Variants in XIRP2 observed in about 807,000 individuals in gnomAD.
XIRP2 encodes xin actin binding repeat containing 2, also known as xin actin-binding repeat-containing protein 2.
Under a neutral mutation model 277.0 loss-of-function variants are expected in XIRP2, and 236 were observed. That is an observed-to-expected ratio of 0.85 (90% CI 0.77 to 0.95). The LOEUF is 0.95. Among genes scored for constraint, XIRP2 ranks in the 40% least tolerant of loss-of-function variants. The probability of loss-of-function intolerance (pLI) is 0.00; values close to 1 mark genes in which losing one functional copy is unlikely to be tolerated. For missense variants in XIRP2, 4,640 were observed against 4,157.5 expected, an observed-to-expected ratio of 1.12 and a Z score of -3.19; for synonymous variants, 1,490 against 1,416.5, an observed-to-expected ratio of 1.05 and a Z score of -1.17.
At chr2:166,893,499 A>G (rs1684161980) in intron 1 of XIRP2, among the ~76,000 whole-genome samples, 1 of 152,102 alleles carries the variant, frequency 6.6e-6, no homozygotes, top group Admixed American at 6.6e-5. Context: ...CATTGTCTTT[A>G]TATTTACCAT....
At position 167,244,462 on chromosome 2, in the gene XIRP2, A is replaced by T. The variant is rs1695181543; in HGVS notation, c.3070A>T (p.Arg1024Trp). The T allele has an allele frequency of 6.2e-7, 1 of 1,613,686 alleles. No homozygotes were observed. The highest frequency in any genetic ancestry group is 1.3e-5 in the African/African-American group (1 of 74,904). Residue 1024 changes from arginine to tryptophan, a missense_variant, in exon 9 of 11, where the codon AGG becomes TGG. By Grantham distance (101) the Arg-to-Trp change is moderately radical. Coordinates refer to ENST00000409195, the MANE Select transcript of XIRP2 (RefSeq NM_152381.6). The part of the protein sequence containing the change: ...VRSCRWLFET[R>W]PIDQFDESIH... ...AAGCTGTAGGTGGCTTTTTGAAACAAGGCCCATTGACCAGTTTGATGAAAG... is the reference window on the plus strand; with the variant it reads ...AAGCTGTAGGTGGCTTTTTGAAACATGGCCCATTGACCAGTTTGATGAAAG...
intron 2 of XIRP2, among the ~76,000 whole-genome samples, chr2:167,067,283 G>A (rs1689324242): frequency 7.6e-6 from 1 of 132,074 alleles, no homozygotes; most frequent in Admixed American, 7.0e-5. Context: ...ATGTCTTCAA[G>A]TTCACTAATA....
intron 2 of XIRP2, among the ~76,000 whole-genome samples, chr2:167,019,760 C>CA (rs1456209901): frequency 6.6e-6 from 1 of 151,860 alleles, no homozygotes; most frequent in African/African-American, 2.4e-5. Flanking sequence ...AGACATTTAG[C>CA]AAAAATATCA....
intron 3 of XIRP2, among the ~76,000 whole-genome samples, chr2:167,177,346 A>G (rs992671809): frequency 3.3e-5 from 5 of 152,186 alleles, no homozygotes; most frequent in African/African-American, 1.2e-4. Context: ...ATTTATATGT[A>G]TGAATGTAGA....
At chr2:167,051,979 TTTTCA>T (rs1688925098) in intron 2 of XIRP2, among the ~76,000 whole-genome samples, 2 of 152,108 alleles carry the variant, frequency 1.3e-5, no homozygotes, top group African/African-American at 4.8e-5. Flanking sequence ...ATTAACTTTC[TTTTCA>T]TTTCAAGTGT....
chr2:167,203,900 A>G (rs984954752), intron 3 of XIRP2, among the ~76,000 whole-genome samples: 1 of 152,162 alleles, frequency 6.6e-6, no homozygotes, highest in Non-Finnish European at 1.5e-5. Flanking sequence ...TGGATTATAG[A>G]TCATGTATTT....
At chr2:166,995,330 G>C (rs141164657) in intron 2 of XIRP2, among the ~76,000 whole-genome samples, 18 of 152,148 alleles carry the variant, frequency 1.2e-4, no homozygotes, top group African/African-American at 1.7e-4. Context: ...AGGCAAAAAC[G>C]TTAGTGACCT....
Position 166,896,346 on chromosome 2 carries a change from G to A in XIRP2, c.-18-7119G>A, listed in dbSNP as rs75684285. 1.5e-3 allele frequency among the ~76,000 whole-genome samples: 232 copies of A among 152,192 alleles called. 8 individuals are homozygous for A. In the East Asian group the frequency reaches 0.039, roughly 26 times the overall value. On this transcript the variant is annotated intron_variant, in intron 1 of 10. Coordinates refer to ENST00000409195, the MANE Select transcript of XIRP2 (RefSeq NM_152381.6). ...TATTATCAGTGGAGATGACCGCTCC[G>A]TTTCATGTTCATGCCCCTGAAAACC...
At chr2:166,924,958 T>C (rs1397701) in intron 2 of XIRP2, among the ~76,000 whole-genome samples, 11,528 of 152,142 alleles carry the variant, frequency 0.076, 1,015 homozygotes, top group East Asian at 0.49. Flanking sequence ...AATGAATCCT[T>C]TTTATTATTA....
intron 2 of XIRP2, among the ~76,000 whole-genome samples, chr2:167,088,013 A>G (rs1690016514): frequency 6.6e-6 from 1 of 152,294 alleles, no homozygotes; most frequent in East Asian, 1.9e-4. Context: ...AAAGATGATA[A>G]GTTTGTAAGC....
intron 2 of XIRP2, among the ~76,000 whole-genome samples, chr2:167,015,197 T>G (rs1687787220): frequency 6.6e-6 from 1 of 151,906 alleles, no homozygotes. Flanking sequence ...CTTTTTCTTA[T>G]AATTGATACT....
At position 167,250,243 on chromosome 2, in the gene XIRP2, C is replaced by G; in HGVS notation, c.8851C>G (p.Arg2951Gly). The change falls in exon 9 of 11, where the codon CGT becomes GGT. Residue 2951 changes from arginine to glycine, a missense_variant. Arg to Gly is a moderately radical substitution (Grantham distance 125). Transcript: ENST00000409195. ...AAATATAGTGGAATTCTTGAGAAAA[C>G]GTGAAGAACTGCAACAGATTTTGTC... The part of the protein sequence containing the change: ...ALNIVEFLRK[R>G]EELQQILSRV... 1 of 1,613,146 alleles carries G rather than the reference C, an allele frequency of 6.2e-7. No homozygotes were observed. Among genetic ancestry groups the G allele is most frequent in the Non-Finnish European group, 8.5e-7 (1 of 1,179,602 alleles).
intron 2 of XIRP2, among the ~76,000 whole-genome samples, chr2:167,038,218 AT>A (rs1320235697): frequency 1.3e-5 from 2 of 151,960 alleles, no homozygotes; most frequent in Non-Finnish European, 2.9e-5. Context: ...CAAAGTTGCT[AT>A]TTTTAAAACA....
intron 2 of XIRP2, among the ~76,000 whole-genome samples, chr2:167,112,754 T>C (rs1230961599): frequency 1.3e-5 from 2 of 151,998 alleles, no homozygotes; most frequent in Admixed American, 1.3e-4. Flanking sequence ...TGGGTTCAAG[T>C]GATTCTCGTA....
rs200695151 is a variant in XIRP2 at position 167,251,742 on chromosome 2, C to T, written c.10350C>T (p.Asp3450=). 6 of 1,613,370 alleles carry T rather than the reference C, an allele frequency of 3.7e-6. No individual in the cohort carries two copies. Among genetic ancestry groups the T allele is most frequent in the Admixed American group, 3.3e-5 (2 of 59,934 alleles). Residue 3450 remains aspartate (D), a synonymous_variant, in exon 9 of 11, where the codon GAC becomes GAT. Coordinates refer to ENST00000409195, the MANE Select transcript of XIRP2 (RefSeq NM_152381.6). Reference sequence around the variant, plus strand: ...CAGAAGCTGGCAAATCTGGCTGTGACTTCAAGCATGCCCCACCAACCTATG... The same window carrying T: ...CAGAAGCTGGCAAATCTGGCTGTGATTTCAAGCATGCCCCACCAACCTATG... ...HSSEAGKSGC[D]FKHAPPTYED...
chr2:167,079,941 T>G (rs761846839), intron 2 of XIRP2, among the ~76,000 whole-genome samples: 18 of 152,058 alleles, frequency 1.2e-4, no homozygotes, highest in Non-Finnish European at 1.0e-4. Flanking sequence ...GGTTTATTTT[T>G]TGTTATTGTT....
chr2:167,146,504 A>C (rs1307180949), intron 3 of XIRP2, among the ~76,000 whole-genome samples: 1 of 152,006 alleles, frequency 6.6e-6, no homozygotes, highest in Non-Finnish European at 1.5e-5. Flanking sequence ...CTGTCTCAAA[A>C]AAAAAAGAAA....
intron 2 of XIRP2, among the ~76,000 whole-genome samples, chr2:167,117,632 T>C (rs1690931824): frequency 6.6e-6 from 1 of 151,864 alleles, no homozygotes; most frequent in African/African-American, 2.4e-5. Flanking sequence ...TTCTGCAGTC[T>C]AATCTACACC....
At chr2:167,044,929 A>G (rs1248738373) in intron 2 of XIRP2, among the ~76,000 whole-genome samples, 4 of 151,944 alleles carry the variant, frequency 2.6e-5, no homozygotes, top group African/African-American at 7.2e-5. Context: ...ATCAAAAAGA[A>G]CTCAAATGCC....
Sources: gnomAD v4.1 joint callset for allele counts (sites outside exome capture counted in the v4.1 genomes callset) on GRCh38, gnomAD v4.1.1 for gene constraint, MANE v1.5 for transcripts, NCBI Gene and HGNC (gene_info 2026-07-23, HGNC 2026-07-21) for gene names.